The following PRDM16 variants were observed in gnomAD, a reference collection of about 807,000 sequenced individuals.
PRDM16 encodes the protein histone-lysine N-methyltransferase PRDM16.
PRDM16 carries 23 observed loss-of-function variants against 110.6 expected under a neutral mutation model. The observed-to-expected ratio is 0.21, with a 90% confidence interval of 0.15 to 0.29. PRDM16 has a LOEUF of 0.29. Among genes scored for constraint, PRDM16 ranks in the 10% least tolerant of loss-of-function variants. PRDM16 has a pLI of 1.00. For missense variants in PRDM16, 1,615 were observed against 1,794.3 expected (o/e 0.90, Z 1.81); for synonymous variants, 799 against 781.8 (o/e 1.02, Z -0.37).
At chr1:3,141,008 CT>C (rs1643540637) in intron 1 of PRDM16, among the ~76,000 whole-genome samples, 3 of 152,204 alleles carry the variant, frequency 2.0e-5, no homozygotes, top group Admixed American at 2.0e-4. Flanking sequence ...CCCCATGTCC[CT>C]GGGTTTTATC....
intron 1 of PRDM16, chr1:3,133,603 T>G (rs1643378451): frequency 6.6e-6 from 1 of 152,290 alleles, no homozygotes. Context: ...GCCGTGCCAT[T>G]GCTTGCAGTC....
chr1:3,281,124 A>G (rs1321897826), intron 3 of PRDM16, among the ~76,000 whole-genome samples: 2 of 152,232 alleles, frequency 1.3e-5, no homozygotes, highest in African/African-American at 4.8e-5. Context: ...ACTGTCAAGA[A>G]GCTTGAGAAA....
intron 1 of PRDM16, among the ~76,000 whole-genome samples, chr1:3,077,277 C>T (rs1010333433): frequency 2.0e-5 from 3 of 152,216 alleles, no homozygotes; most frequent in African/African-American, 7.2e-5. Context: ...ACATCAGCCC[C>T]AGAAACCCAG....
chr1:3,310,030 A>G (rs532998683), intron 3 of PRDM16: 1 of 152,318 alleles, frequency 6.6e-6, no homozygotes, highest in South Asian at 2.1e-4. Context: ...CCCAGTGGGC[A>G]TGCCTTCCTG....
intron 3 of PRDM16, chr1:3,309,076 C>T (rs1012839800): frequency 3.3e-5 from 5 of 152,174 alleles, no homozygotes; most frequent in Non-Finnish European, 5.9e-5. Flanking sequence ...CAGTTCCTGT[C>T]CCTGTGGACC....
chr1:3,181,323 A>ACACAAGCGGTCTTACACACGCGG (rs1557508712), intron 1 of PRDM16, among the ~76,000 whole-genome samples: 3 of 30,598 alleles, frequency 9.8e-5, no homozygotes, highest in Non-Finnish European at 2.0e-4. Context: ...TACACACGCA[A>ACACAAGCGGTCTTACACACGCGG]TCTTACACAA....
At chr1:3,289,782 C>T (rs546647324) in intron 3 of PRDM16, among the ~76,000 whole-genome samples, 7 of 152,174 alleles carry the variant, frequency 4.6e-5, no homozygotes, top group Non-Finnish European at 8.8e-5. Context: ...CCTGTGGTGT[C>T]GGCTCTAGTT....
intron 1 of PRDM16, among the ~76,000 whole-genome samples, chr1:3,182,429 G>A (rs1644222307): frequency 6.6e-6 from 1 of 152,188 alleles, no homozygotes; most frequent in Admixed American, 6.5e-5. Flanking sequence ...CTGATCTGTG[G>A]CCTCTTCTCT....
rs529767134 is a variant in PRDM16 at position 3,286,553 on chromosome 1, G to A, written c.438+42416G>A. Reference sequence around the variant, plus strand: ...AGCCTGCAGCCTCCTGAATTGACATGCAGGAGAGGAGAAAGAAGAAGACAT... The same window carrying A: ...AGCCTGCAGCCTCCTGAATTGACATACAGGAGAGGAGAAAGAAGAAGACAT... On this transcript the variant is annotated intron_variant, in intron 3 of 16. Coordinates refer to ENST00000270722, the MANE Select transcript of PRDM16 (RefSeq NM_022114.4). 2.8e-3 allele frequency among the ~76,000 whole-genome samples: 421 copies of A among 152,276 alleles called. 6 individuals carry two copies. Among genetic ancestry groups the A allele is most frequent in the South Asian group, 9.0e-3 (43 of 4,798 alleles).
In PRDM16 at chr1:3,260,207, C is replaced by A. The variant is rs548399572; in HGVS notation, c.438+16070C>A. The stretch of plus-strand genomic sequence containing the variant: ...GGGAGCACTCCTGATTGTCTGGATT[C>A]CTGTGGTTCTGGGGGGCCAGGCCCC... On this transcript the variant is annotated intron_variant, in intron 3 of 16. Transcript: ENST00000270722. Among the ~76,000 whole-genome samples the A allele has an allele frequency of 5.9e-5, 9 of 152,372 alleles. No individual in the cohort carries two copies. The East Asian group carries it at 9.6e-4, about 16-fold the overall frequency.
intron 1 of PRDM16, among the ~76,000 whole-genome samples, chr1:3,079,131 C>T (rs1232866464): frequency 6.6e-6 from 1 of 152,258 alleles, no homozygotes; most frequent in Non-Finnish European, 1.5e-5. Context: ...CCCACCGCCT[C>T]CCTGGTGGAG....
rs760340348 is a variant in PRDM16, at chr1:3,245,538, G to A, written c.438+1401G>A. On this transcript the variant is annotated intron_variant, in intron 3 of 16. Coordinates refer to ENST00000270722, the MANE Select transcript of PRDM16 (RefSeq NM_022114.4). This position sits in a 1 kb window ranked among gnomAD's most constrained non-coding sequence, Gnocchi z 4.7. ...TGAACTGGTTCCCGTGTCCCTCCCC[G>A]TCGCTGGTGTGGCTGTGTCTGGCCT... Among the ~76,000 whole-genome samples, 11 of 152,174 alleles carry A rather than the reference G, an allele frequency of 7.2e-5. No homozygotes were observed. The highest frequency in any genetic ancestry group is 1.0e-4 in the Non-Finnish European group (7 of 68,028).
intron 1 of PRDM16, among the ~76,000 whole-genome samples, chr1:3,163,929 C>A (rs918031281): frequency 4.6e-5 from 7 of 152,206 alleles, no homozygotes; most frequent in Admixed American, 1.3e-4. Flanking sequence ...ATATGGATAA[C>A]CTCACTTCAT....
intron 1 of PRDM16, among the ~76,000 whole-genome samples, chr1:3,092,920 G>A (rs1642310131): frequency 6.6e-6 from 1 of 152,128 alleles, no homozygotes; most frequent in African/African-American, 2.4e-5. Flanking sequence ...AGAAGTGAGA[G>A]GCAGTCAGGG....
chr1:3,181,696 T>G lies in PRDM16; in HGVS notation c.38-4429T>G, dbSNP rs867880927. Among the ~76,000 whole-genome samples the G allele has an allele frequency of 5.9e-3, 836 of 142,816 alleles. 24 individuals carry two copies. The highest frequency in any genetic ancestry group is 0.019 in the African/African-American group (701 of 37,230). The allele number at this position is 142,816 out of a possible 152,430, so 93.7% of individuals were successfully genotyped here. ...TACACGCGCAGTCTTACACACGGTC[T>G]TACACACGGTCTTACACACGCAGTC... On this transcript the variant is annotated intron_variant, in intron 1 of 16. Coordinates refer to ENST00000270722, the MANE Select transcript of PRDM16 (RefSeq NM_022114.4).
intron 8 of PRDM16, among the ~76,000 whole-genome samples, chr1:3,410,317 C>T (rs971974693): frequency 1.3e-5 from 2 of 152,154 alleles, no homozygotes; most frequent in Non-Finnish European, 2.9e-5. Flanking sequence ...CTAGCTGGGC[C>T]GGCACTGCCC....
chr1:3,314,000 A>G (rs1641531322), intron 3 of PRDM16, among the ~76,000 whole-genome samples: 1 of 148,704 alleles, frequency 6.7e-6, no homozygotes, highest in Admixed American at 6.7e-5. Flanking sequence ...TTAGGGAGTC[A>G]CCCAGTGTCA....
chr1:3,217,165 C>T (rs1206220347), intron 2 of PRDM16, among the ~76,000 whole-genome samples: 1 of 152,260 alleles, frequency 6.6e-6, no homozygotes, highest in Non-Finnish European at 1.5e-5. Context: ...CACCTTTCAC[C>T]GTGAAACGGG....
At chr1:3,331,006 G>C (rs1570088011) in intron 3 of PRDM16, among the ~76,000 whole-genome samples, 1 of 152,232 alleles carries the variant, frequency 6.6e-6, no homozygotes, top group East Asian at 1.9e-4. Context: ...GCGGAGAATA[G>C]CAGCAATTCC....
Sources: allele counts gnomAD v4.1 joint callset (sites outside exome capture counted in the v4.1 genomes callset), GRCh38; gene constraint gnomAD v4.1.1; non-coding constraint Gnocchi (gnomAD v3.1); transcripts MANE v1.5; gene names NCBI Gene and HGNC (gene_info 2026-07-23, HGNC 2026-07-21).